PAF1: variants seen among roughly 807,000 people sequenced by gnomAD.
PAF1 encodes the protein PAF1 component of Paf1/RNA polymerase II complex.
Under a neutral mutation model 68.4 loss-of-function variants are expected in PAF1, and 31 were observed. The ratio of observed to expected loss-of-function variants is 0.45; its 90% CI spans 0.34 to 0.61. The LOEUF is 0.61. Among genes scored for constraint, PAF1 ranks in the 20% least tolerant of loss-of-function variants. The pLI, the probability that PAF1 is intolerant of heterozygous loss-of-function variation, is 0.01. For missense variants in PAF1, 435 were observed against 692.9 expected (o/e 0.63, Z 4.18); for synonymous variants, 256 against 240.5 (o/e 1.06, Z -0.60).
chr19:39,389,469 TACCCACTC>T lies in PAF1; in HGVS notation c.359+3_359+10del. The T allele has an allele frequency of 6.2e-7, 1 of 1,613,892 alleles. No individual in the cohort carries two copies. Among genetic ancestry groups the T allele is most frequent in the Non-Finnish European group, 8.5e-7 (1 of 1,179,758 alleles). Reference sequence around the variant, plus strand: ...GAGCCAGTCTCCAGTACCCATTTGCTACCCACTCACCTCTTGGAGCTGGTGGGGGCCTG... The same window carrying T: ...GAGCCAGTCTCCAGTACCCATTTGCTACCTCTTGGAGCTGGTGGGGGCCTG... On this transcript the variant is annotated splice_donor_5th_base_variant and intron_variant, in intron 5 of 13. Transcript: ENST00000221265. The surrounding 1 kb of genome is among the most constrained non-coding windows in gnomAD (Gnocchi z 5.3).
intron 11 of PAF1, chr19:39,387,230 G>A (rs964038331): frequency 4.8e-6 from 2 of 416,674 alleles, no homozygotes; most frequent in African/African-American, 2.0e-5. Context: ...ACTGAATACT[G>A]CAGGCAATTG....
Position 39,390,118 on chromosome 19 carries a change from CAG to C in PAF1, c.119_120del (p.Pro40ArgfsTer33). On this transcript the variant is annotated frameshift_variant, in exon 3 of 14. Transcript: ENST00000221265. LOFTEE classifies it high-confidence loss of function. ...ATGAACTTGGGGTCGAAGGGGATAT[CAG>C]GGAGGCTATTGCAGTACTTGACTCG... is the stretch of plus-strand genomic sequence containing the variant. ...VCRVKYCNSL[P>X]DIPFDPKFIT... The C allele has an allele frequency of 6.2e-7, 1 of 1,614,100 alleles. No individual in the cohort carries two copies. Among genetic ancestry groups the C allele is most frequent in the Non-Finnish European group, 8.5e-7 (1 of 1,179,988 alleles).
In PAF1 at chr19:39,386,412, G is replaced by C. The variant is rs1160349314; in HGVS notation, c.1184-9C>G. 5.0e-6 allele frequency: 8 copies of C among 1,613,928 alleles called. No homozygotes were observed. Among genetic ancestry groups the C allele is most frequent in the Non-Finnish European group, 5.9e-6 (7 of 1,179,976 alleles). On this transcript the variant is annotated splice_polypyrimidine_tract_variant and intron_variant, in intron 13 of 13. Coordinates refer to ENST00000221265, the MANE Select transcript of PAF1 (RefSeq NM_019088.4). This position sits in a 1 kb window ranked among gnomAD's most constrained non-coding sequence, Gnocchi z 6.1. The stretch of plus-strand genomic sequence containing the variant: ...CTTCTCCTGCTCCTCATCTGGAAGG[G>C]AGTGGAGAGAGATGAAACCCACTTT...
rs1030586450 is a variant in PAF1 at position 39,386,866 on chromosome 19, GC to G, written c.987-68del. 3.8e-6 allele frequency: 4 copies of G among 1,052,996 alleles called. No individual in the cohort carries two copies. Among genetic ancestry groups the G allele is most frequent in the African/African-American group, 3.1e-5 (2 of 64,312 alleles). 65.2% of individuals were successfully genotyped at this position (1,052,996 alleles called of 1,614,324 possible). ...TTAAAGACACACCTCCCACTTCCCCGCCCCCCAGTGAGGGGTCTGGTCTGAC... is the reference window on the plus strand; with the variant it reads ...TTAAAGACACACCTCCCACTTCCCCGCCCCCAGTGAGGGGTCTGGTCTGAC... On this transcript the variant is annotated intron_variant, in intron 11 of 13. Transcript: ENST00000221265. This position sits in a 1 kb window ranked among gnomAD's most constrained non-coding sequence, Gnocchi z 6.1.
chr19:39,387,593 C>T (rs2145928715), intron 11 of PAF1, among the ~76,000 whole-genome samples: 1 of 152,328 alleles, frequency 6.6e-6, no homozygotes, highest in African/African-American at 2.4e-5. Context: ...GTAATCTCTG[C>T]TTTAAACAGA....
rs548039255 is a variant in PAF1 at position 39,385,848 on chromosome 19, G to T, written c.*143C>A. On this transcript the variant is annotated 3_prime_UTR_variant, in exon 14 of 14. Transcript: ENST00000221265. ...AATGACATCATAGGGGCTGGGAGGG[G>T]AAGTAAAGAGAAGTTGACTTTATTA... is the stretch of plus-strand genomic sequence containing the variant. 4.9e-6 allele frequency: 6 copies of T among 1,216,580 alleles called. No individual in the cohort carries two copies. The African/African-American group carries it at 6.0e-5, about 12-fold the overall frequency. 75.4% of individuals were successfully genotyped at this position (1,216,580 alleles called of 1,614,324 possible).
rs768378595 is a variant in PAF1, at chr19:39,386,057, C to T, written c.1530G>A (p.Ser510=). ...ASPFPSGSEH[S]AQEDGSEAAA... ...CAGCTTCACTGCCATCCTCCTGGGC[C>T]GAGTGCTCGCTGCCACTGGGGAAGG... The change falls in exon 14 of 14, where the codon TCG becomes TCA. Residue 510 remains serine (S), a synonymous_variant. Coordinates refer to ENST00000221265, the MANE Select transcript of PAF1 (RefSeq NM_019088.4). The surrounding 1 kb of genome is among the most constrained non-coding windows in gnomAD (Gnocchi z 6.1). 1.9e-5 allele frequency: 30 copies of T among 1,613,956 alleles called. No homozygotes were observed. The highest frequency in any genetic ancestry group is 2.2e-5 in the South Asian group (2 of 91,084).
Position 39,385,764 on chromosome 19 carries a change from T to C in PAF1, c.*227A>G, listed in dbSNP as rs547032185. 1.0e-4 allele frequency: 66 copies of C among 629,140 alleles called. No individual in the cohort carries two copies. The African/African-American group carries it at 1.1e-3, about 10-fold the overall frequency. The allele number at this position is 629,140 out of a possible 1,614,324, so 39.0% of individuals were successfully genotyped here. ...TGGCCCTGCCTCTGGCCTGTGTTTC[T>C]AAGCCTCAAGCCAAGATCCTTGAGC... On this transcript the variant is annotated 3_prime_UTR_variant, in exon 14 of 14. Transcript: ENST00000221265.
At chr19:39,390,205 C>T (rs1184714841) in intron 2 of PAF1, 44 bp from the exon 3 acceptor site, 5 of 1,612,782 alleles carry the variant, frequency 3.1e-6, no homozygotes, top group Non-Finnish European at 4.2e-6. Context: ...GCTGCCCCAC[C>T]TCTGCTCCCA....
chr19:39,391,079 C>G lies in PAF1; in HGVS notation c.-215G>C. On this transcript the variant is annotated 5_prime_UTR_variant, in exon 1 of 14. Coordinates refer to ENST00000221265, the MANE Select transcript of PAF1 (RefSeq NM_019088.4). ...AGCACCGGGGACGGACTCGAAGCTC[C>G]GGTTCCACCAACTGCCGCCAAGACG... 1 of 630,294 alleles carries G rather than the reference C, an allele frequency of 1.6e-6. No homozygotes were observed. The highest frequency in any genetic ancestry group is 2.7e-6 in the Non-Finnish European group (1 of 366,238). 39.0% of individuals were successfully genotyped at this position (630,294 alleles called of 1,614,324 possible). A position where few individuals can be genotyped will look rare whatever the true frequency, so the allele number is the denominator to read the frequency against.
chr19:39,386,842 T>A lies in PAF1; in HGVS notation c.987-43A>T. The A allele has an allele frequency of 1.5e-6, 2 of 1,356,530 alleles. No homozygotes were observed. The highest frequency in any genetic ancestry group is 2.1e-6 in the Non-Finnish European group (2 of 945,626). 84.0% of individuals were successfully genotyped at this position (1,356,530 alleles called of 1,614,324 possible). On this transcript the variant is annotated intron_variant, in intron 11 of 13. Transcript: ENST00000221265. The surrounding 1 kb of genome is among the most constrained non-coding windows in gnomAD (Gnocchi z 6.1). ...GGGAGAGAGAAGTGGAAGATGCAGT[T>A]AAAGACACACCTCCCACTTCCCCGC...
At position 39,389,019 on chromosome 19, in the gene PAF1, G is replaced by C. The variant is rs1167723896; in HGVS notation, c.568-4C>G. 1 of 1,613,964 alleles carries C rather than the reference G, an allele frequency of 6.2e-7. No individual in the cohort carries two copies. Among genetic ancestry groups the C allele is most frequent in the African/African-American group, 1.3e-5 (1 of 74,912 alleles). ...GTTTGCTGTAATGCTGTGAGATCTG[G>C]TGGAACAAAAACAAGGTGAGGAGGA... is the stretch of plus-strand genomic sequence containing the variant. On this transcript the variant is annotated splice_region_variant and splice_polypyrimidine_tract_variant and intron_variant, in intron 7 of 13. Coordinates refer to ENST00000221265, the MANE Select transcript of PAF1 (RefSeq NM_019088.4). This position sits in a 1 kb window ranked among gnomAD's most constrained non-coding sequence, Gnocchi z 5.3.
chr19:39,390,780 T>TC (rs772006462), intron 1 of PAF1, 38 bp downstream of exon 1: 2 of 1,555,566 alleles, frequency 1.3e-6, no homozygotes, highest in African/African-American at 2.7e-5. Context: ...CCTCTCCCGA[T>TC]CCCCCGCCTT....
At chr19:39,390,740 TG>T (rs2078362190) in intron 1 of PAF1, 77 bp downstream of exon 1, 2 of 1,447,816 alleles carry the variant, frequency 1.4e-6, no homozygotes, top group Non-Finnish European at 1.9e-6. Flanking sequence ...CGGGCAGACC[TG>T]GGGGCTGGTG....
At chr19:39,390,526 G>A (rs1336959730) in intron 1 of PAF1, among the ~76,000 whole-genome samples, 1 of 152,202 alleles carries the variant, frequency 6.6e-6, no homozygotes, top group East Asian at 1.9e-4. Context: ...CCTTTTGCAG[G>A]AGATGGCTTC....
Position 39,391,060 on chromosome 19 carries a change from G to A in PAF1, c.-196C>T, listed in dbSNP as rs964219633. 1.6e-6 allele frequency: 1 copy of A among 635,384 alleles called. No homozygotes were observed. The highest frequency in any genetic ancestry group is 2.7e-6 in the Non-Finnish European group (1 of 370,696). 39.4% of individuals were successfully genotyped at this position (635,384 alleles called of 1,614,324 possible). A position where few individuals can be genotyped will look rare whatever the true frequency, so the allele number is the denominator to read the frequency against. On this transcript the variant is annotated 5_prime_UTR_variant, in exon 1 of 14. Coordinates refer to ENST00000221265, the MANE Select transcript of PAF1 (RefSeq NM_019088.4). ...CTCAGGTGAACGCGCAGGCAGCACC[G>A]GGGACGGACTCGAAGCTCCGGTTCC...
chr19:39,389,539 T>C lies in PAF1; in HGVS notation c.300A>G (p.Leu100=). The C allele has an allele frequency of 6.2e-7, 1 of 1,614,168 alleles. No individual in the cohort carries two copies. Among genetic ancestry groups the C allele is most frequent in the Non-Finnish European group, 8.5e-7 (1 of 1,180,022 alleles). The change falls in exon 5 of 14, where the codon CTA becomes CTG. Residue 100 remains leucine (L), a synonymous_variant. Transcript: ENST00000221265. The surrounding 1 kb of genome is among the most constrained non-coding windows in gnomAD (Gnocchi z 5.3). The part of the protein sequence containing the change: ...DTYRIDPNVL[L]DPADEKLLEE... ...CCAAAAGTTTCTCATCAGCTGGATC[T>C]AGAAGAACTAGAGGAGAGCGGGGGG...
rs2078367415 is a variant in PAF1, at chr19:39,390,967, G to T, written c.-103C>A. Reference sequence around the variant, plus strand: ...GGACGCCTGATCCGAGGAAGGCCCAGCTTGGCGCCGCTCCCCGCGGAAAGT... The same window carrying T: ...GGACGCCTGATCCGAGGAAGGCCCATCTTGGCGCCGCTCCCCGCGGAAAGT... On this transcript the variant is annotated 5_prime_UTR_variant, in exon 1 of 14. It adds an upstream start codon to the 5' untranslated region. Transcript: ENST00000221265. 1 of 1,161,678 alleles carries T rather than the reference G, an allele frequency of 8.6e-7. No homozygotes were observed. Among genetic ancestry groups the T allele is most frequent in the South Asian group, 1.4e-5 (1 of 69,690 alleles). 72.0% of individuals were successfully genotyped at this position (1,161,678 alleles called of 1,614,324 possible). A position where few individuals can be genotyped will look rare whatever the true frequency, so the allele number is the denominator to read the frequency against.
rs1353110122 is a variant in PAF1 at position 39,385,678 on chromosome 19, A to C, written c.*313T>G. ...TGGTCTGGGCTTATTTTGGAAAAAA[A>C]AAAAACAAACAAAAAAAACGAATTC... On this transcript the variant is annotated 3_prime_UTR_variant, in exon 14 of 14. Transcript: ENST00000221265. 7.4e-6 allele frequency: 4 copies of C among 538,252 alleles called. No individual in the cohort carries two copies. Among genetic ancestry groups the C allele is most frequent in the East Asian group, 5.9e-5 (2 of 33,802 alleles). The allele number at this position is 538,252 out of a possible 1,614,324, so 33.3% of individuals were successfully genotyped here.
Sources: gnomAD v4.1 joint callset for allele counts (sites outside exome capture counted in the v4.1 genomes callset) on GRCh38, gnomAD v4.1.1 for gene constraint, Gnocchi (gnomAD v3.1) non-coding constraint, MANE v1.5 for transcripts, NCBI Gene and HGNC (gene_info 2026-07-23, HGNC 2026-07-21) for gene names.